The following RNF217 variants were observed in gnomAD, a reference collection of about 807,000 sequenced individuals.
The protein encoded by RNF217 is E3 ubiquitin-protein ligase RNF217.
Under a neutral mutation model 57.8 loss-of-function variants are expected in RNF217, and 31 were observed. The observed-to-expected ratio is 0.54, with a 90% CI of 0.40 to 0.72. RNF217 has a LOEUF of 0.72. Among genes scored for constraint, RNF217 ranks in the 30% least tolerant of loss-of-function variants. The pLI, the probability that RNF217 is intolerant of heterozygous loss-of-function variation, is 0.00. For missense variants in RNF217, 696 were observed against 708.3 expected, an observed-to-expected ratio of 0.98 and a Z score of 0.20; for synonymous variants, 313 against 294.0, an observed-to-expected ratio of 1.06 and a Z score of -0.66.
chr6:125,033,584 C>T (rs1786461859), intron 1 of RNF217, among the ~76,000 whole-genome samples: 2 of 150,462 alleles, frequency 1.3e-5, no homozygotes, highest in African/African-American at 4.9e-5. Flanking sequence ...TTTCTTAATC[C>T]AGTCTATCAT....
At chr6:124,987,904 GATTA>G (rs1784417265) in intron 1 of RNF217, among the ~76,000 whole-genome samples, 2 of 152,034 alleles carry the variant, frequency 1.3e-5, no homozygotes, top group South Asian at 2.1e-4. Context: ...TTTTAGATTG[GATTA>G]ATTAACATAC....
chr6:125,009,104 G>A (rs1481762018), intron 1 of RNF217: 3 of 806,170 alleles, frequency 3.7e-6, no homozygotes, highest in Non-Finnish European at 5.6e-6. Flanking sequence ...GAACAGACGT[G>A]TTAGAAATGT....
chr6:125,021,888 C>A (rs1038710181), intron 1 of RNF217, among the ~76,000 whole-genome samples: 14 of 151,912 alleles, frequency 9.2e-5, no homozygotes, highest in African/African-American at 2.4e-4. Context: ...CCATGCCTTC[C>A]CCCCTTTTTT....
chr6:125,083,118 C>T lies in RNF217; in HGVS notation c.*181C>T. On this transcript the variant is annotated 3_prime_UTR_variant, in exon 6 of 6. Transcript: ENST00000521654. ...GTGCACTCCCAACATGGTATCCTGT[C>T]CTTTCCCTAAACAAATTGCTGCTGC... 2.2e-6 allele frequency: 1 copy of T among 464,638 alleles called. No individual in the cohort carries two copies. Among genetic ancestry groups the T allele is most frequent in the Non-Finnish European group, 3.8e-6 (1 of 266,076 alleles). 28.8% of individuals were successfully genotyped at this position (464,638 alleles called of 1,614,324 possible).
chr6:125,044,222 G>A (rs1351086835), intron 1 of RNF217, among the ~76,000 whole-genome samples: 1 of 151,882 alleles, frequency 6.6e-6, no homozygotes, highest in Non-Finnish European at 1.5e-5. Context: ...GAAAGGGTTT[G>A]GTGTTGTTTG....
At chr6:125,077,621 G>A (rs9491305) in intron 4 of RNF217, among the ~76,000 whole-genome samples, 1,623 of 152,160 alleles carry the variant, frequency 0.011, 24 homozygotes, top group African/African-American at 0.032. Flanking sequence ...GTTCTTCGGC[G>A]GAATATTTCT....
intron 2 of RNF217, among the ~76,000 whole-genome samples, chr6:125,048,740 A>G (rs1787192875): frequency 6.6e-6 from 1 of 151,986 alleles, no homozygotes; most frequent in South Asian, 2.1e-4. Flanking sequence ...AATTGTTTGT[A>G]CTCAGCAGGT....
intron 1 of RNF217, among the ~76,000 whole-genome samples, chr6:125,036,657 A>G (rs997757311): frequency 6.6e-6 from 1 of 152,146 alleles, no homozygotes; most frequent in Admixed American, 6.6e-5. Flanking sequence ...ATCTACAAGT[A>G]ACGTAAACAT....
chr6:124,963,149 C>G lies in RNF217; in HGVS notation c.605C>G (p.Ser202Cys), dbSNP rs116377893. The stretch of plus-strand genomic sequence containing the variant: ...GTGTTGAACCCTCCCAGCACCCGCT[C>G]TTCCTTCCCCAGCCCCCGACTGTCC... ...PPVLNPPSTR[S>C]SFPSPRLSLP... is the part of the protein sequence containing the mutation. Residue 202 changes from serine to cysteine, a missense_variant, in exon 1 of 6, where the codon TCT (serine) becomes TGT (cysteine). By Grantham distance (112) the Ser-to-Cys change is moderately radical. Transcript: ENST00000521654. 2,802 of 1,534,346 alleles carry G rather than the reference C, an allele frequency of 1.8e-3. 42 individuals carry two copies. In the African/African-American group the frequency reaches 0.034, roughly 19 times the overall value.
chr6:125,057,388 G>T (rs754893052), intron 2 of RNF217, among the ~76,000 whole-genome samples: 1 of 152,048 alleles, frequency 6.6e-6, no homozygotes, highest in Non-Finnish European at 1.5e-5. Context: ...CACCATGTTG[G>T]CCAGGCTGGG....
At chr6:124,985,847 A>G (rs1366607601) in intron 1 of RNF217, among the ~76,000 whole-genome samples, 1 of 152,174 alleles carries the variant, frequency 6.6e-6, no homozygotes, top group South Asian at 2.1e-4. Context: ...AAATATTAAC[A>G]TTTATTAATA....
chr6:125,010,360 A>T (rs1414930119), intron 1 of RNF217, among the ~76,000 whole-genome samples: 1 of 152,206 alleles, frequency 6.6e-6, no homozygotes, highest in East Asian at 1.9e-4. Context: ...TCTTCTCATT[A>T]TAATGTGCTT....
intron 1 of RNF217, among the ~76,000 whole-genome samples, chr6:124,996,208 T>A (rs563270245): frequency 5.9e-5 from 9 of 152,298 alleles, no homozygotes; most frequent in Non-Finnish European, 1.2e-4. Context: ...GTTTTGCCAG[T>A]CTGCAGGGTA....
At chr6:124,994,124 T>C (rs1198664623) in intron 1 of RNF217, among the ~76,000 whole-genome samples, 1 of 151,884 alleles carries the variant, frequency 6.6e-6, no homozygotes, top group Non-Finnish European at 1.5e-5. Flanking sequence ...AATATTAGCC[T>C]AGAGAAAAAA....
At chr6:125,026,260 G>C (rs1030814075) in intron 1 of RNF217, among the ~76,000 whole-genome samples, 14 of 152,122 alleles carry the variant, frequency 9.2e-5, no homozygotes, top group African/African-American at 2.4e-5. Flanking sequence ...ATGTGTCCAG[G>C]CTCTGCCAGT....
chr6:125,003,087 T>C (rs1425341517), intron 1 of RNF217, among the ~76,000 whole-genome samples: 1 of 152,052 alleles, frequency 6.6e-6, no homozygotes, highest in African/African-American at 2.4e-5. Flanking sequence ...GAGGCCCTTG[T>C]CATTTTAAAC....
intron 1 of RNF217, among the ~76,000 whole-genome samples, chr6:125,026,058 T>G (rs1045879065): frequency 6.6e-6 from 1 of 152,192 alleles, no homozygotes; most frequent in Non-Finnish European, 1.5e-5. Flanking sequence ...GGAGACCATC[T>G]GCTTGTCCAC....
At chr6:125,069,749 T>C (rs1788069428) in intron 3 of RNF217, among the ~76,000 whole-genome samples, 1 of 152,194 alleles carries the variant, frequency 6.6e-6, no homozygotes, top group South Asian at 2.1e-4. Flanking sequence ...CTAATCCACA[T>C]TCCCAGCAAT....
Position 125,091,407 on chromosome 6 carries a change from A to G in RNF217, c.*8470A>G, listed in dbSNP as rs539080450. 1 of 152,180 alleles carries G rather than the reference A, an allele frequency of 6.6e-6. No homozygotes were observed. Among genetic ancestry groups the G allele is most frequent in the African/African-American group, 2.4e-5 (1 of 41,554 alleles). The allele number at this position is 152,180 out of a possible 1,614,324, so 9.4% of individuals were successfully genotyped here. On this transcript the variant is annotated 3_prime_UTR_variant, in exon 6 of 6. Coordinates refer to ENST00000521654, the MANE Select transcript of RNF217 (RefSeq NM_001286398.3). ...AGTGTTCTTTGGTCCCTCTATTTAA[A>G]GTGCTAAGGAGAAAGCATATCTTTA...
Sources: allele counts gnomAD v4.1 joint callset (sites outside exome capture counted in the v4.1 genomes callset), GRCh38; gene constraint gnomAD v4.1.1; transcripts MANE v1.5; gene names NCBI Gene and HGNC (gene_info 2026-07-23, HGNC 2026-07-21).